Variants in CASK observed in about 807,000 individuals in gnomAD.
CASK encodes peripheral plasma membrane protein CASK.
CASK carries 4 observed loss-of-function variants against 82.9 expected under a neutral mutation model. That is an observed-to-expected ratio of 0.05 (90% confidence interval 0.02 to 0.11). The LOEUF is 0.11. Among genes scored for constraint, CASK ranks in the 10% least tolerant of loss-of-function variants. The pLI is 1.00. For missense variants in CASK, 358 were observed against 720.9 expected (o/e 0.50, Z 5.76); for synonymous variants, 259 against 253.5 (o/e 1.02, Z -0.20).
At chrX:41,717,301 T>C (rs897983048) in intron 5 of CASK, among the ~76,000 whole-genome samples, 17 of 112,355 alleles carry the variant, frequency 1.5e-4, no homozygotes, top group African/African-American at 5.5e-4. Flanking sequence ...AGAAAACTTT[T>C]TGCGGGAGTG....
intron 3 of CASK, among the ~76,000 whole-genome samples, chrX:41,765,663 G>T (rs1228662444): frequency 9.0e-6 from 1 of 111,162 alleles, no homozygotes; most frequent in African/African-American, 3.3e-5. Flanking sequence ...TGTGTAAGAA[G>T]GGGGGTGGCA....
chrX:41,763,411 C>T (rs2069042058), intron 3 of CASK, among the ~76,000 whole-genome samples: 1 of 111,237 alleles, frequency 9.0e-6, no homozygotes, highest in South Asian at 3.9e-4. Context: ...TCTGTAATCC[C>T]AGCACTTTGG....
rs1445545635 is a variant in CASK at position 41,745,514 on chromosome X, C to T, written c.356+10G>A. On this transcript the variant is annotated intron_variant, in intron 4 of 26. Coordinates refer to ENST00000378163, the MANE Select transcript of CASK (RefSeq NM_001367721.1). ...ACTTGACCTCTGGTGATTAGATATA[C>T]AATACATACCTGGCTACAGCTTCAC... The T allele has an allele frequency of 6.1e-6, 7 of 1,146,677 alleles. No homozygotes were observed. The South Asian group carries it at 7.2e-5, about 12-fold the overall frequency. The allele number at this position is 1,146,677 out of a possible 1,213,427, so 94.5% of individuals were successfully genotyped here.
At chrX:41,883,711 G>C (rs750551199) in intron 1 of CASK, among the ~76,000 whole-genome samples, 1 of 111,570 alleles carries the variant, frequency 9.0e-6, no homozygotes, top group East Asian at 2.8e-4. Flanking sequence ...AATAATTCAT[G>C]GCTCCAAACC....
intron 5 of CASK, among the ~76,000 whole-genome samples, chrX:41,737,919 T>A (rs916108064): frequency 2.7e-5 from 3 of 113,111 alleles, no homozygotes; most frequent in African/African-American, 9.6e-5. Flanking sequence ...AGCAAACTAC[T>A]ACAGTTGACA....
At chrX:41,875,783 G>A (rs184320865) in intron 1 of CASK, among the ~76,000 whole-genome samples, 5 of 111,401 alleles carry the variant, frequency 4.5e-5, no homozygotes, top group African/African-American at 1.6e-4. Flanking sequence ...ACTTTAAAAA[G>A]CCTGGTTTTA....
chrX:41,909,961 C>T (rs755997171), intron 1 of CASK, among the ~76,000 whole-genome samples: 11 of 111,382 alleles, frequency 9.9e-5, no homozygotes, highest in African/African-American at 2.9e-4. Flanking sequence ...GTGGCTCATG[C>T]CTGTAATCCC....
intron 3 of CASK, among the ~76,000 whole-genome samples, chrX:41,766,217 G>C (rs112140157): frequency 0.011 from 1,270 of 111,535 alleles, 21 homozygotes; most frequent in African/African-American, 0.039. Context: ...CATTCCTGTG[G>C]GATATACCCT....
At chrX:41,694,691 G>C (rs188353811) in intron 5 of CASK, among the ~76,000 whole-genome samples, 1 of 111,577 alleles carries the variant, frequency 9.0e-6, no homozygotes, top group Admixed American at 9.5e-5. Flanking sequence ...CAGCTAACTT[G>C]GTTTTGTTTG....
intron 7 of CASK, among the ~76,000 whole-genome samples, chrX:41,661,676 T>C (rs1342415448): frequency 1.8e-5 from 2 of 109,622 alleles, no homozygotes; most frequent in African/African-American, 6.6e-5. Flanking sequence ...GTGTGCTTCA[T>C]TTTTCCCCCC....
chrX:41,866,007 A>G (rs2071585730), intron 1 of CASK, among the ~76,000 whole-genome samples: 1 of 112,538 alleles, frequency 8.9e-6, no homozygotes, highest in Non-Finnish European at 1.9e-5. Context: ...TGCTCCCTAC[A>G]GAAGAGACCA....
At chrX:41,623,418 T>C (rs1381956207) in intron 10 of CASK, among the ~76,000 whole-genome samples, 1 of 112,141 alleles carries the variant, frequency 8.9e-6, no homozygotes, top group Non-Finnish European at 1.9e-5. Flanking sequence ...TTACTCTTTT[T>C]ATTTTCCTTT....
At position 41,863,236 on chromosome X, in the gene CASK, A is replaced by C. The variant is rs1048142099; in HGVS notation, c.60-10009T>G. 8.9e-5 allele frequency among the ~76,000 whole-genome samples: 10 copies of C among 112,376 alleles called. No individual in the cohort carries two copies. The Admixed American group carries it at 9.4e-4, about 11-fold the overall frequency. On this transcript the variant is annotated intron_variant, in intron 1 of 26. Transcript: ENST00000378163. ...TGTGGTCAAACAGTTAGTGGATGTT[A>C]GAGCTAGGACTGGAGCCTAAACATA...
Position 41,636,680 on chromosome X carries a change from AATG to A in CASK, c.832-22_832-20del. ...CCCGCTCCTATGTAAGATGAAAGAT[AATG>A]AACATATATAACCGTTTAAAAAAGT... On this transcript the variant is annotated intron_variant, in intron 8 of 26. Transcript: ENST00000378163. The A allele has an allele frequency of 2.9e-6, 3 of 1,036,745 alleles. No individual in the cohort carries two copies. The highest frequency in any genetic ancestry group is 4.1e-6 in the Non-Finnish European group (3 of 735,959). 85.4% of individuals were successfully genotyped at this position (1,036,745 alleles called of 1,213,427 possible). A position where few individuals can be genotyped will look rare whatever the true frequency, so the allele number is the denominator to read the frequency against.
At chrX:41,588,403 G>C (rs1418660312) in intron 13 of CASK, 2 of 111,295 alleles carry the variant, frequency 1.8e-5, no homozygotes, top group Non-Finnish European at 3.8e-5. Flanking sequence ...ATTGTCCCCA[G>C]AGTCTCTCTG....
chrX:41,541,620 C>T (rs2064946850), intron 22 of CASK, among the ~76,000 whole-genome samples: 1 of 112,287 alleles, frequency 8.9e-6, no homozygotes, highest in Admixed American at 9.5e-5. Flanking sequence ...ACATTCATTC[C>T]ACATTATACA....
rs1021128001 is a variant in CASK, at chrX:41,922,953, G to A, written c.36C>T (p.Tyr12=). Residue 12 remains tyrosine (Y), a synonymous_variant, in exon 1 of 27, where the codon TAC becomes TAT. Transcript: ENST00000378163. ...ADDDVLFEDV[Y]ELCEVIGKGP... ...ACTTTCCGATCACCTCGCACAGCTCGTACACATCCTCGAACAGCACGTCGT... is the reference window on the plus strand; with the variant it reads ...ACTTTCCGATCACCTCGCACAGCTCATACACATCCTCGAACAGCACGTCGT... 1 of 1,210,865 alleles carries A rather than the reference G, an allele frequency of 8.3e-7. No individual in the cohort carries two copies. The highest frequency in any genetic ancestry group is 1.1e-6 in the Non-Finnish European group (1 of 894,725).
chrX:41,754,192 G>A (rs2068848445), intron 3 of CASK, among the ~76,000 whole-genome samples: 1 of 110,967 alleles, frequency 9.0e-6, no homozygotes, highest in Admixed American at 9.6e-5. Context: ...GAGCCCAGGA[G>A]TTCGAGACCA....
chrX:41,890,417 G>T (rs1249716962), intron 1 of CASK, among the ~76,000 whole-genome samples: 1 of 103,073 alleles, frequency 9.7e-6, no homozygotes, highest in Non-Finnish European at 2.0e-5. Flanking sequence ...CTATGCTGGG[G>T]AAAAAAAAAA....
Sources: allele counts gnomAD v4.1 joint callset (sites outside exome capture counted in the v4.1 genomes callset), GRCh38; gene constraint gnomAD v4.1.1; transcripts MANE v1.5; gene names NCBI Gene and HGNC (gene_info 2026-07-23, HGNC 2026-07-21).